The following WWOX variants were observed in gnomAD, a reference collection of about 807,000 sequenced individuals.
WWOX encodes the protein WW domain containing oxidoreductase.
Under a neutral mutation model 46.2 loss-of-function variants are expected in WWOX, and 69 were observed. The observed-to-expected ratio is 1.49, with a 90% CI of 1.23 to 1.82. WWOX has a LOEUF of 1.82. Among genes scored for constraint, WWOX ranks in the 40% most tolerant of loss-of-function variants. The pLI, the probability that WWOX is intolerant of heterozygous loss-of-function variation, is 0.00. For missense variants in WWOX, 919 were observed against 542.6 expected, an observed-to-expected ratio of 1.69 and a Z score of -6.89; for synonymous variants, 359 against 202.6, an observed-to-expected ratio of 1.77 and a Z score of -6.56.
At chr16:79,122,887 G>T (rs1567564857) in intron 8 of WWOX, among the ~76,000 whole-genome samples, 1 of 152,188 alleles carries the variant, frequency 6.6e-6, no homozygotes, top group Non-Finnish European at 1.5e-5. Flanking sequence ...ACTGAGGCTT[G>T]CAATGGCCAC....
At chr16:78,517,057 A>C (rs922431312) in intron 8 of WWOX, among the ~76,000 whole-genome samples, 3 of 152,162 alleles carry the variant, frequency 2.0e-5, no homozygotes, top group African/African-American at 7.2e-5. Flanking sequence ...TAGTTTTTAA[A>C]GTTTTATGAA....
At chr16:78,703,759 C>CTT (rs1555519900) in intron 8 of WWOX, among the ~76,000 whole-genome samples, 1 of 151,916 alleles carries the variant, frequency 6.6e-6, no homozygotes, top group African/African-American at 2.4e-5. Flanking sequence ...TTTCCAACTA[C>CTT]CTCACTGATT....
chr16:78,810,736 G>T (rs2051166616), intron 8 of WWOX, among the ~76,000 whole-genome samples: 1 of 152,056 alleles, frequency 6.6e-6, no homozygotes, highest in African/African-American at 2.4e-5. Flanking sequence ...AACTAGATTT[G>T]CTCCCTTCTG....
At chr16:78,632,187 G>A (rs1016040378) in intron 8 of WWOX, among the ~76,000 whole-genome samples, 1 of 152,148 alleles carries the variant, frequency 6.6e-6, no homozygotes, top group Non-Finnish European at 1.5e-5. Flanking sequence ...GTGACAAGTT[G>A]CAGAATGCCC....
chr16:78,175,324 C>T (rs1412832377), intron 5 of WWOX, among the ~76,000 whole-genome samples: 1 of 152,164 alleles, frequency 6.6e-6, no homozygotes, highest in Non-Finnish European at 1.5e-5. Context: ...TTAGAAGTGG[C>T]TGCGATTGTT....
chr16:78,460,242 CT>C (rs2151422286), intron 8 of WWOX, among the ~76,000 whole-genome samples: 1 of 152,276 alleles, frequency 6.6e-6, no homozygotes, highest in South Asian at 2.1e-4. Flanking sequence ...ATTCTTGTGC[CT>C]CAGCCTTCCA....
chr16:79,097,380 C>G (rs1242298464), intron 8 of WWOX, among the ~76,000 whole-genome samples: 1 of 148,664 alleles, frequency 6.7e-6, no homozygotes, highest in African/African-American at 2.5e-5. Flanking sequence ...CACATCACTG[C>G]AGCCCATGGC....
intron 8 of WWOX, among the ~76,000 whole-genome samples, chr16:78,447,290 A>G (rs966900905): frequency 5.3e-5 from 8 of 151,974 alleles, no homozygotes; most frequent in African/African-American, 1.9e-4. Flanking sequence ...CAATATTTTA[A>G]TACTGTAATA....
intron 8 of WWOX, among the ~76,000 whole-genome samples, chr16:78,453,152 G>A (rs2083732593): frequency 6.6e-6 from 1 of 152,106 alleles, no homozygotes; most frequent in South Asian, 2.1e-4. Flanking sequence ...AGCCCTGTGT[G>A]GTAGCTCACT....
chr16:79,116,812 A>G lies in WWOX; in HGVS notation c.1057-94796A>G, dbSNP rs77238862. On this transcript the variant is annotated intron_variant, in intron 8 of 8. Coordinates refer to ENST00000566780, the MANE Select transcript of WWOX (RefSeq NM_016373.4). Reference sequence around the variant, plus strand: ...GCATCTAGAATGCTGAATCCTTTCTAGAAGATTTTCAATTTACTTAGCCCA... The same window carrying G: ...GCATCTAGAATGCTGAATCCTTTCTGGAAGATTTTCAATTTACTTAGCCCA... Among the ~76,000 whole-genome samples the G allele has an allele frequency of 9.1e-3, 1,377 of 152,032 alleles. 24 individuals carry two copies. Among genetic ancestry groups the G allele is most frequent in the African/African-American group, 0.032 (1,307 of 41,438 alleles).
At chr16:78,757,607 T>C (rs2142476285) in intron 8 of WWOX, among the ~76,000 whole-genome samples, 1 of 152,302 alleles carries the variant, frequency 6.6e-6, no homozygotes, top group East Asian at 1.9e-4. Context: ...AAGACGTATG[T>C]AAAAACATTT....
chr16:78,358,580 C>T (rs1212553566), intron 5 of WWOX, among the ~76,000 whole-genome samples: 1 of 152,120 alleles, frequency 6.6e-6, no homozygotes, highest in Non-Finnish European at 1.5e-5. Context: ...ATCGCTTGAA[C>T]CTGGGAAGTG....
At chr16:79,179,034 C>T (rs573761158) in intron 8 of WWOX, among the ~76,000 whole-genome samples, 2 of 152,234 alleles carry the variant, frequency 1.3e-5, no homozygotes, top group Admixed American at 1.3e-4. Flanking sequence ...CTAAACCTGG[C>T]CCTGCCTCAG....
At chr16:78,824,653 G>C (rs984298041) in intron 8 of WWOX, among the ~76,000 whole-genome samples, 14 of 152,154 alleles carry the variant, frequency 9.2e-5, no homozygotes, top group African/African-American at 3.1e-4. Flanking sequence ...GAGAAAATGA[G>C]GAAGAAGCGC....
At chr16:78,184,532 C>G (rs557634388) in intron 5 of WWOX, among the ~76,000 whole-genome samples, 72 of 151,942 alleles carry the variant, frequency 4.7e-4, no homozygotes, top group African/African-American at 1.7e-3. Flanking sequence ...AGCCGGCACC[C>G]ACATGGATGA....
intron 8 of WWOX, among the ~76,000 whole-genome samples, chr16:78,626,730 T>C (rs899985101): frequency 4.6e-5 from 7 of 152,162 alleles, no homozygotes; most frequent in African/African-American, 1.7e-4. Flanking sequence ...TCTTCGAGGG[T>C]AGAGTATCTG....
chr16:79,197,314 A>C (rs931534106), intron 8 of WWOX, among the ~76,000 whole-genome samples: 1 of 152,178 alleles, frequency 6.6e-6, no homozygotes, highest in East Asian at 1.9e-4. Context: ...ACAGGTCATC[A>C]CCAAGGGACT....
At chr16:78,487,783 T>C (rs1431791246) in intron 8 of WWOX, among the ~76,000 whole-genome samples, 1 of 152,130 alleles carries the variant, frequency 6.6e-6, no homozygotes, top group Admixed American at 6.6e-5. Context: ...CAGAGCTACA[T>C]TCTTAGCTGC....
At chr16:78,508,943 C>G (rs1359501620) in intron 8 of WWOX, among the ~76,000 whole-genome samples, 2 of 152,200 alleles carry the variant, frequency 1.3e-5, no homozygotes, top group Non-Finnish European at 2.9e-5. Context: ...GCTGGCTGTT[C>G]AAAAGTATCC....
Sources: gnomAD v4.1 joint callset for allele counts (sites outside exome capture counted in the v4.1 genomes callset) on GRCh38, gnomAD v4.1.1 for gene constraint, MANE v1.5 for transcripts, NCBI Gene and HGNC (gene_info 2026-07-23, HGNC 2026-07-21) for gene names.